The following PIBF1 variants were observed in gnomAD, a reference collection of about 807,000 sequenced individuals.
PIBF1 encodes progesterone immunomodulatory binding factor 1.
Under a neutral mutation model 112.5 loss-of-function variants are expected in PIBF1, and 90 were observed. The ratio of observed to expected loss-of-function variants is 0.80; its 90% CI spans 0.67 to 0.95. The LOEUF is 0.95. PIBF1 is among the 40% of genes least tolerant of loss of function. The probability of loss-of-function intolerance (pLI) is 0.00; values close to 1 mark genes in which losing one functional copy is unlikely to be tolerated. For missense variants in PIBF1, 915 were observed against 852.3 expected, an observed-to-expected ratio of 1.07 and a Z score of -0.92; for synonymous variants, 301 against 288.6, an observed-to-expected ratio of 1.04 and a Z score of -0.44.
At chr13:72,810,857 A>G (rs1364571413) in intron 5 of PIBF1, among the ~76,000 whole-genome samples, 1 of 141,800 alleles carries the variant, frequency 7.1e-6, no homozygotes. Flanking sequence ...AAGAACCTCA[A>G]TTTTTTTTTT....
chr13:72,782,250 CCTGCAA>C lies in PIBF1; in HGVS notation c.-145_-140del, dbSNP rs1481450715. Reference sequence around the variant, plus strand: ...CTGCCTTGAAATCCCTTGTTGAGGGCCTGCAACCTTGTGCTTCCGACCGGAGACGCC... The same window carrying C: ...CTGCCTTGAAATCCCTTGTTGAGGGCCCTTGTGCTTCCGACCGGAGACGCC... On this transcript the variant is annotated 5_prime_UTR_variant, in exon 1 of 18. Transcript: ENST00000326291. 1.1e-5 allele frequency: 2 copies of C among 176,200 alleles called. No homozygotes were observed. Among genetic ancestry groups the C allele is most frequent in the East Asian group, 1.2e-4 (1 of 8,250 alleles). 10.9% of individuals were successfully genotyped at this position (176,200 alleles called of 1,614,324 possible).
At chr13:72,834,232 A>G (rs759605795) in intron 8 of PIBF1, among the ~76,000 whole-genome samples, 3 of 152,162 alleles carry the variant, frequency 2.0e-5, no homozygotes, top group Non-Finnish European at 4.4e-5. Flanking sequence ...CAGACTCCCT[A>G]TGTTTTGGTC....
At chr13:72,786,895 C>T (rs902895183) in intron 2 of PIBF1, among the ~76,000 whole-genome samples, 3 of 152,056 alleles carry the variant, frequency 2.0e-5, no homozygotes, top group Non-Finnish European at 2.9e-5. Context: ...ATTTATTGAA[C>T]CTAAAGCACC....
intron 10 of PIBF1, among the ~76,000 whole-genome samples, chr13:72,876,426 C>T (rs2039407955): frequency 6.6e-6 from 1 of 151,852 alleles, no homozygotes; most frequent in Non-Finnish European, 1.5e-5. Flanking sequence ...GGTCTTTTGC[C>T]TGTCTATATT....
At chr13:72,796,039 A>G (rs1209747501) in intron 4 of PIBF1, among the ~76,000 whole-genome samples, 11 of 152,210 alleles carry the variant, frequency 7.2e-5, no homozygotes, top group Non-Finnish European at 1.0e-4. Context: ...ATTCATTTAC[A>G]TTCTAAAAGT....
chr13:72,821,927 A>G lies in PIBF1; in HGVS notation c.751A>G (p.Lys251Glu), dbSNP rs1024222676. 1.3e-5 allele frequency: 21 copies of G among 1,612,966 alleles called. No homozygotes were observed. The highest frequency in any genetic ancestry group is 1.6e-5 in the Non-Finnish European group (19 of 1,179,330). ...QRLALELADT[K>E]QLIQQGDYRQ... ...TTTGGCCTTAGAATTAGCAGACACA[A>G]AACAGTTAATTCAGCAAGGTGACTA... Residue 251 changes from lysine to glutamate, a missense_variant, in exon 6 of 18, where the codon AAA (lysine) becomes GAA (glutamate). By Grantham distance (56) the Lys-to-Glu change is moderately conservative (BLOSUM62 1). Transcript: ENST00000326291.
chr13:72,855,614 A>C (rs7318261), intron 10 of PIBF1, among the ~76,000 whole-genome samples: 3,315 of 152,074 alleles, frequency 0.022, 136 homozygotes, highest in African/African-American at 0.076. Context: ...ATGCCACAGC[A>C]CTCCAGCCTG....
chr13:72,971,131 C>T (rs911639320), intron 15 of PIBF1, among the ~76,000 whole-genome samples: 1 of 151,460 alleles, frequency 6.6e-6, no homozygotes, highest in Non-Finnish European at 1.5e-5. Context: ...CATTCCATTC[C>T]GATTACACTA....
chr13:72,849,166 A>G (rs1018576481), intron 9 of PIBF1, among the ~76,000 whole-genome samples: 1 of 152,236 alleles, frequency 6.6e-6, no homozygotes, highest in Non-Finnish European at 1.5e-5. Context: ...TGGGAGATAC[A>G]TAGAATTGCT....
At chr13:72,817,777 C>G (rs1437544626) in intron 5 of PIBF1, among the ~76,000 whole-genome samples, 1 of 152,140 alleles carries the variant, frequency 6.6e-6, no homozygotes, top group Non-Finnish European at 1.5e-5. Flanking sequence ...TTTCTACTCT[C>G]TATAGCTTTA....
In PIBF1 at chr13:72,939,038, A is replaced by G. The variant is rs142008804; in HGVS notation, c.1833+7771A>G. ...GTTGTCTTTCTGTTGTTGAGTTGTA[A>G]GAGTTCTTTATATATTCTGGACACT... On this transcript the variant is annotated intron_variant, in intron 14 of 17. Coordinates refer to ENST00000326291, the MANE Select transcript of PIBF1 (RefSeq NM_006346.4). Among the ~76,000 whole-genome samples the G allele has an allele frequency of 7.4e-4, 113 of 152,260 alleles. 1 individual carries two copies. The Middle Eastern group carries it at 0.01, about 14-fold the overall frequency.
At chr13:72,966,083 G>A (rs1302981747) in intron 15 of PIBF1, among the ~76,000 whole-genome samples, 1 of 152,094 alleles carries the variant, frequency 6.6e-6, no homozygotes, top group Non-Finnish European at 1.5e-5. Flanking sequence ...GAATAATTTA[G>A]ATTTTTATGG....
At chr13:72,815,538 A>G (rs1169434448) in intron 5 of PIBF1, among the ~76,000 whole-genome samples, 2 of 152,238 alleles carry the variant, frequency 1.3e-5, no homozygotes, top group Non-Finnish European at 2.9e-5. Context: ...TTTATGATTA[A>G]CATATTAATC....
intron 14 of PIBF1, among the ~76,000 whole-genome samples, chr13:72,949,592 C>T (rs1469870099): frequency 6.6e-6 from 1 of 152,212 alleles, no homozygotes; most frequent in Non-Finnish European, 1.5e-5. Flanking sequence ...GCTGGGATTA[C>T]AGGCGTGAGC....
chr13:72,926,595 G>T (rs1594209982), intron 13 of PIBF1, among the ~76,000 whole-genome samples: 1 of 152,152 alleles, frequency 6.6e-6, no homozygotes, highest in East Asian at 1.9e-4. Flanking sequence ...CCAACTTCAG[G>T]ATAAAATCCA....
Position 73,008,027 on chromosome 13 carries a change from C to T in PIBF1, c.2224-7842C>T, listed in dbSNP as rs570165769. Among the ~76,000 whole-genome samples the T allele has an allele frequency of 1.2e-3, 183 of 152,202 alleles. 1 individual carries two copies. The highest frequency in any genetic ancestry group is 2.1e-3 in the Non-Finnish European group (144 of 67,998). Reference sequence around the variant, plus strand: ...ACATTTTATGAAAATCAGAAATAAACTTTTCAGAAGCAGTATTATCTACTT... The same window carrying T: ...ACATTTTATGAAAATCAGAAATAAATTTTTCAGAAGCAGTATTATCTACTT... On this transcript the variant is annotated intron_variant, in intron 17 of 17. Transcript: ENST00000326291.
rs116842583 is a variant in PIBF1 at position 72,957,990 on chromosome 13, C to T, written c.1834-7284C>T. The stretch of plus-strand genomic sequence containing the variant: ...AGAAAGAAAGAAAAAAACAATTAGC[C>T]AGTTGTTGTGGCATGCACTATAGTT... On this transcript the variant is annotated intron_variant, in intron 14 of 17. Coordinates refer to ENST00000326291, the MANE Select transcript of PIBF1 (RefSeq NM_006346.4). Among the ~76,000 whole-genome samples, 181 of 151,538 alleles carry T rather than the reference C, an allele frequency of 1.2e-3. 6 individuals carry two copies. In the East Asian group the frequency reaches 0.027, roughly 23 times the overall value.
chr13:72,988,344 A>G (rs143704672), intron 16 of PIBF1, among the ~76,000 whole-genome samples: 1 of 152,038 alleles, frequency 6.6e-6, no homozygotes, highest in African/African-American at 2.4e-5. Flanking sequence ...TAAAATTTGT[A>G]TATACTTCTT....
intron 14 of PIBF1, among the ~76,000 whole-genome samples, chr13:72,939,474 A>G (rs1262032180): frequency 1.3e-5 from 2 of 152,198 alleles, no homozygotes; most frequent in South Asian, 2.1e-4. Context: ...AAATGGAATC[A>G]TACAATATGT....
Sources: gnomAD v4.1 joint callset for allele counts (sites outside exome capture counted in the v4.1 genomes callset) on GRCh38, gnomAD v4.1.1 for gene constraint, MANE v1.5 for transcripts, NCBI Gene and HGNC (gene_info 2026-07-23, HGNC 2026-07-21) for gene names.